Variants in VWA3B observed in about 807,000 individuals in gnomAD.
The protein encoded by VWA3B is von Willebrand factor A domain containing 3B, also known as von Willebrand factor A domain-containing protein 3B.
VWA3B carries 138 observed loss-of-function variants against 158.3 expected under a neutral mutation model. The ratio of observed to expected loss-of-function variants is 0.87; its 90% confidence interval spans 0.76 to 1.00. The LOEUF is 1.00. VWA3B is among the 50% of genes least tolerant of loss of function. The pLI, the probability that VWA3B is intolerant of heterozygous loss-of-function variation, is 0.00. For missense variants in VWA3B, 1,555 were observed against 1,565.1 expected, an observed-to-expected ratio of 0.99 and a Z score of 0.11; for synonymous variants, 596 against 587.3, an observed-to-expected ratio of 1.01 and a Z score of -0.21.
At chr2:98,330,092 A>G in the VWA3B span, among the ~76,000 whole-genome samples, 2 of 152,208 alleles carry the variant, frequency 1.3e-5, no homozygotes, top group African/African-American at 4.8e-5. Flanking sequence ...TGCTGCTCTC[A>G]CGTGGGTCTC....
intron 5 of VWA3B, 65 bp from the exon 6 acceptor site, chr2:98,128,174 T>C: frequency 1.3e-6 from 2 of 1,569,770 alleles, no homozygotes; most frequent in Non-Finnish European, 1.7e-6. Flanking sequence ...TGGGTATTAC[T>C]GATGAGACTA....
chr2:98,141,206 C>T (rs937927461), intron 7 of VWA3B, among the ~76,000 whole-genome samples: 16 of 152,338 alleles, frequency 1.1e-4, no homozygotes, highest in African/African-American at 3.4e-4. Context: ...CCTGAAAAAT[C>T]ATCTTCTATG....
intron 8 of VWA3B, among the ~76,000 whole-genome samples, chr2:98,176,033 C>T (rs2105322277): frequency 1.3e-5 from 2 of 152,308 alleles, no homozygotes; most frequent in Middle Eastern, 3.4e-3. Flanking sequence ...CACACTGTCG[C>T]CACCTGGCTC....
At chr2:98,194,744 G>T (rs924875649) in intron 12 of VWA3B, among the ~76,000 whole-genome samples, 4 of 151,994 alleles carry the variant, frequency 2.6e-5, no homozygotes, top group African/African-American at 9.7e-5. Context: ...CCTTGGCTCA[G>T]GTTGAAGCCC....
intron 3 of VWA3B, among the ~76,000 whole-genome samples, chr2:98,118,196 A>G (rs557739331): frequency 1.6e-4 from 25 of 152,316 alleles, no homozygotes; most frequent in Non-Finnish European, 2.6e-4. Context: ...CCACCTCCAC[A>G]TTCCCTGTGA....
intron 12 of VWA3B, among the ~76,000 whole-genome samples, chr2:98,203,685 G>T (rs543502801): frequency 7.9e-5 from 12 of 152,310 alleles, no homozygotes; most frequent in Middle Eastern, 3.4e-3. Context: ...TGGAGCAATT[G>T]TAAGTGGTAT....
chr2:98,303,421 GGTGTGTGTGTGTGT>G (rs58157632), intron 25 of VWA3B, among the ~76,000 whole-genome samples: 3 of 146,552 alleles, frequency 2.0e-5, no homozygotes, highest in Non-Finnish European at 3.0e-5. Flanking sequence ...GTTATGTGAA[GGTGTGTGTGTGTGT>G]GTGTGTGTGT....
intron 22 of VWA3B, among the ~76,000 whole-genome samples, chr2:98,274,567 C>T (rs1688406456): frequency 6.6e-6 from 1 of 152,030 alleles, no homozygotes; most frequent in South Asian, 2.1e-4. Context: ...GGGAAGAACG[C>T]GGAGTGTTCC....
intron 9 of VWA3B, among the ~76,000 whole-genome samples, chr2:98,182,267 C>T (rs1026502186): frequency 6.6e-6 from 1 of 152,156 alleles, no homozygotes; most frequent in African/African-American, 2.4e-5. Context: ...GTTGTAACTC[C>T]AGCAGAGGGG....
At chr2:98,228,451 C>A in intron 15 of VWA3B, 119 bp downstream of exon 15, 1 of 1,242,126 alleles carries the variant, frequency 8.1e-7, no homozygotes, top group Non-Finnish European at 1.1e-6. Flanking sequence ...AAAAGAATCA[C>A]GTAGTGTGAT....
At chr2:98,328,360 TAAGGCAAG>T in the VWA3B span, among the ~76,000 whole-genome samples, 2 of 152,006 alleles carry the variant, frequency 1.3e-5, no homozygotes, top group Non-Finnish European at 2.9e-5. Flanking sequence ...GCCACTGCAA[TAAGGCAAG>T]AAAAAGAAAA....
intron 23 of VWA3B, chr2:98,291,285 G>T (rs1027865131): frequency 6.6e-6 from 1 of 152,258 alleles, no homozygotes; most frequent in African/African-American, 2.4e-5. Flanking sequence ...GGCCTCAGAG[G>T]TTTGCCCCAG....
chr2:98,206,918 TA>T (rs767739932), intron 12 of VWA3B: 2 of 445,908 alleles, frequency 4.5e-6, no homozygotes. Context: ...GTTGTCAACT[TA>T]AAAAATGTTA....
chr2:98,255,700 A>T (rs1356863597), intron 20 of VWA3B, among the ~76,000 whole-genome samples: 1 of 152,116 alleles, frequency 6.6e-6, no homozygotes, highest in Non-Finnish European at 1.5e-5. Context: ...GTGTGTCCCA[A>T]TCCTATTATT....
At chr2:98,297,551 G>A (rs1210402358) in intron 23 of VWA3B, among the ~76,000 whole-genome samples, 34 of 152,140 alleles carry the variant, frequency 2.2e-4, no homozygotes, top group Non-Finnish European at 1.5e-5. Context: ...GAAAAAAATA[G>A]GGCTAAAGTA....
chr2:98,253,809 G>A (rs1337193066), intron 20 of VWA3B, among the ~76,000 whole-genome samples: 2 of 152,092 alleles, frequency 1.3e-5, no homozygotes, highest in African/African-American at 2.4e-5. Flanking sequence ...AAAACAATGA[G>A]GGAAACTTTG....
intron 7 of VWA3B, among the ~76,000 whole-genome samples, chr2:98,144,213 A>G (rs1465662984): frequency 6.6e-6 from 1 of 152,128 alleles, no homozygotes; most frequent in Non-Finnish European, 1.5e-5. Context: ...ATATATGAAA[A>G]ATGTTTTCTA....
At chr2:98,315,846 G>A (rs934215865), downstream of VWA3B, among the ~76,000 whole-genome samples, 1 of 152,208 alleles carries the variant, frequency 6.6e-6, no homozygotes, top group Admixed American at 6.5e-5. Context: ...AAAGAATTCA[G>A]TGAGACGAAG....
chr2:98,176,145 A>T (rs1380039581), intron 8 of VWA3B, among the ~76,000 whole-genome samples: 1 of 152,124 alleles, frequency 6.6e-6, no homozygotes, highest in Admixed American at 6.5e-5. Context: ...AACCTCACTC[A>T]TCTCACCAGC....
Sources: allele counts gnomAD v4.1 joint callset (sites outside exome capture counted in the v4.1 genomes callset), GRCh38; gene constraint gnomAD v4.1.1; transcripts MANE v1.5; gene names NCBI Gene and HGNC (gene_info 2026-07-23, HGNC 2026-07-21).